The following TAOK1 variants were observed in gnomAD, a reference collection of about 807,000 sequenced individuals.
The protein encoded by TAOK1 is TAO kinase 1.
In TAOK1, 21 loss-of-function variants were observed where a neutral mutation model predicts 138.3. That is an observed-to-expected ratio of 0.15 (90% CI 0.11 to 0.22). The LOEUF (loss-of-function observed/expected upper bound fraction) is 0.22. TAOK1 is among the 10% of genes least tolerant of loss of function. The probability of loss-of-function intolerance (pLI) is 1.00; values close to 1 mark genes in which losing one functional copy is unlikely to be tolerated. For missense variants in TAOK1, 651 were observed against 1,227.7 expected (o/e 0.53, Z 7.02); for synonymous variants, 361 against 398.4 (o/e 0.91, Z 1.12).
chr17:29,524,481 CAGAT>C (rs2031973017), intron 17 of TAOK1, among the ~76,000 whole-genome samples: 1 of 152,174 alleles, frequency 6.6e-6, no homozygotes, highest in Non-Finnish European at 1.5e-5. Flanking sequence ...CCGATTCTCT[CAGAT>C]AGTACGTTAA....
chr17:29,454,900 A>G (rs571044239), intron 2 of TAOK1, among the ~76,000 whole-genome samples: 44 of 151,794 alleles, frequency 2.9e-4, no homozygotes, highest in Non-Finnish European at 5.3e-4. Flanking sequence ...ACGGGGTTTC[A>G]CTGTGTTAGC....
At chr17:29,462,210 A>G (rs1348771820) in intron 2 of TAOK1, among the ~76,000 whole-genome samples, 1 of 152,216 alleles carries the variant, frequency 6.6e-6, no homozygotes, top group Non-Finnish European at 1.5e-5. Context: ...AAAATACTCA[A>G]ATTGAGTCAG....
At chr17:29,491,997 A>C (rs1393457593) in intron 10 of TAOK1, 132 bp downstream of exon 10, 1 of 603,270 alleles carries the variant, frequency 1.7e-6, no homozygotes, top group Non-Finnish European at 2.9e-6. Flanking sequence ...CGATCCTCCC[A>C]CCTCAGCCTC....
chr17:29,468,135 A>ATTTTTTT (rs761962930), intron 3 of TAOK1, among the ~76,000 whole-genome samples: 5,271 of 75,956 alleles, frequency 0.069, 1,277 homozygotes, highest in African/African-American at 0.21. Context: ...CCTGCTTTCA[A>ATTTTTTT]TTTTTTTTTT....
At chr17:29,493,142 A>G (rs1470237378) in intron 10 of TAOK1, among the ~76,000 whole-genome samples, 3 of 151,812 alleles carry the variant, frequency 2.0e-5, no homozygotes, top group African/African-American at 7.3e-5. Flanking sequence ...TGTGTCTCCA[A>G]AAAAAAGAAA....
At chr17:29,399,342 G>T (rs1304011835) in intron 1 of TAOK1, among the ~76,000 whole-genome samples, 2 of 150,936 alleles carry the variant, frequency 1.3e-5, no homozygotes, top group Middle Eastern at 3.4e-3. Context: ...TTGAGACGGA[G>T]TCTCGCTCTG....
At chr17:29,397,881 A>G (rs146169838) in intron 1 of TAOK1, among the ~76,000 whole-genome samples, 20 of 151,832 alleles carry the variant, frequency 1.3e-4, no homozygotes, top group African/African-American at 4.6e-4. Context: ...GTAAATGTGT[A>G]ACTTTTTCAG....
chr17:29,464,791 C>T (rs1004558953), intron 2 of TAOK1, among the ~76,000 whole-genome samples: 2 of 150,764 alleles, frequency 1.3e-5, no homozygotes, highest in African/African-American at 4.9e-5. Flanking sequence ...TCACTGTACT[C>T]ATGTAGCAGA....
intron 10 of TAOK1, among the ~76,000 whole-genome samples, chr17:29,492,353 T>C (rs2031311159): frequency 6.6e-6 from 1 of 152,228 alleles, no homozygotes; most frequent in Non-Finnish European, 1.5e-5. Flanking sequence ...GTATTTTGTT[T>C]TTCAAATTGA....
chr17:29,494,383 C>T (rs1719493079), intron 10 of TAOK1, among the ~76,000 whole-genome samples: 1 of 151,886 alleles, frequency 6.6e-6, no homozygotes, highest in African/African-American at 2.4e-5. Flanking sequence ...GTGGTGCACA[C>T]CTGTAGTCCT....
In TAOK1 at chr17:29,546,006, GA is replaced by G. The variant is rs2032398147; in HGVS notation, c.*2987del. 1 of 151,986 alleles carries G rather than the reference GA, an allele frequency of 6.6e-6. No homozygotes were observed. Among genetic ancestry groups the G allele is most frequent in the African/African-American group, 2.4e-5 (1 of 41,388 alleles). The allele number at this position is 151,986 out of a possible 1,614,324, so 9.4% of individuals were successfully genotyped here. The stretch of plus-strand genomic sequence containing the variant: ...TTAAAAATGCAAAGCCACATACTTT[GA>G]AATATATTATTCCAAATTGAGCTCC... On this transcript the variant is annotated 3_prime_UTR_variant, in exon 20 of 20. Coordinates refer to ENST00000261716, the MANE Select transcript of TAOK1 (RefSeq NM_020791.4).
chr17:29,394,694 C>T (rs1904544049), intron 1 of TAOK1, among the ~76,000 whole-genome samples: 1 of 152,178 alleles, frequency 6.6e-6, no homozygotes, highest in African/African-American at 2.4e-5. Flanking sequence ...CAATTAATTG[C>T]ACTCATACTA....
In TAOK1 at chr17:29,546,778, G is replaced by A. The variant is rs1287106855; in HGVS notation, c.*3756G>A. The A allele has an allele frequency of 1.3e-5, 2 of 152,062 alleles. No individual in the cohort carries two copies. The highest frequency in any genetic ancestry group is 2.9e-5 in the Non-Finnish European group (2 of 67,968). The allele number at this position is 152,062 out of a possible 1,614,324, so 9.4% of individuals were successfully genotyped here. On this transcript the variant is annotated 3_prime_UTR_variant, in exon 20 of 20. Transcript: ENST00000261716. ...TAACTCATACTGTACATTTCCATCA[G>A]GGCACTTAAAAGTTCTGTTATTTTT...
intron 1 of TAOK1, among the ~76,000 whole-genome samples, chr17:29,401,939 T>G (rs74851675): frequency 6.6e-6 from 1 of 152,182 alleles, no homozygotes; most frequent in Non-Finnish European, 1.5e-5. Context: ...CGTGAGCCAC[T>G]GTGCCTGAAC....
chr17:29,395,527 T>G (rs1185307779), intron 1 of TAOK1, among the ~76,000 whole-genome samples: 1 of 152,054 alleles, frequency 6.6e-6, no homozygotes, highest in Non-Finnish European at 1.5e-5. Context: ...CAAGACTCCA[T>G]CTCAAAACAA....
chr17:29,508,523 G>T (rs2031665180), intron 14 of TAOK1, among the ~76,000 whole-genome samples: 1 of 152,136 alleles, frequency 6.6e-6, no homozygotes, highest in African/African-American at 2.4e-5. Context: ...TAGTTTTGTA[G>T]TGTCACAATA....
At chr17:29,411,431 G>A (rs1309498920) in intron 1 of TAOK1, among the ~76,000 whole-genome samples, 1 of 150,906 alleles carries the variant, frequency 6.6e-6, no homozygotes, top group Non-Finnish European at 1.5e-5. Flanking sequence ...TCACTCTGTT[G>A]TCCAGGCTGG....
intron 1 of TAOK1, among the ~76,000 whole-genome samples, chr17:29,435,890 G>C (rs1906014053): frequency 6.6e-6 from 1 of 152,186 alleles, no homozygotes; most frequent in African/African-American, 2.4e-5. Context: ...CAGCACTTTG[G>C]GAGGCCAAGG....
chr17:29,437,939 G>A (rs958823013), intron 1 of TAOK1, among the ~76,000 whole-genome samples: 1 of 151,908 alleles, frequency 6.6e-6, no homozygotes, highest in African/African-American at 2.4e-5. Flanking sequence ...TCATCATGTT[G>A]GCCAGGCTGG....
Sources: allele counts gnomAD v4.1 joint callset (sites outside exome capture counted in the v4.1 genomes callset), GRCh38; gene constraint gnomAD v4.1.1; transcripts MANE v1.5; gene names NCBI Gene and HGNC (gene_info 2026-07-23, HGNC 2026-07-21).